BRD1: variants seen among roughly 807,000 people sequenced by gnomAD.
The protein encoded by BRD1 is bromodomain containing 1, also known as bromodomain-containing protein 1.
BRD1 carries 24 observed loss-of-function variants against 107.7 expected under a neutral mutation model. That is an observed-to-expected ratio of 0.22 (90% CI 0.16 to 0.31). The LOEUF is 0.31. Among genes scored for constraint, BRD1 ranks in the 10% least tolerant of loss-of-function variants. The pLI is 1.00. For missense variants in BRD1, 1,279 were observed against 1,638.6 expected (o/e 0.78, Z 3.79); for synonymous variants, 744 against 686.1 (o/e 1.08, Z -1.32).
chr22:49,782,636 C>G (rs554823949), intron 8 of BRD1, among the ~76,000 whole-genome samples: 2 of 148,810 alleles, frequency 1.3e-5, no homozygotes, highest in South Asian at 2.1e-4. Flanking sequence ...GACGCCTGCA[C>G]GAGACCTGCT....
intron 6 of BRD1, among the ~76,000 whole-genome samples, chr22:49,797,107 G>C (rs573871865): frequency 1.3e-5 from 2 of 152,218 alleles, no homozygotes; most frequent in Non-Finnish European, 2.9e-5. Flanking sequence ...CAATCCCAGA[G>C]GTGCGACTAA....
In BRD1 at chr22:49,777,591, C is replaced by T. The variant is rs532422433; in HGVS notation, c.2993+87G>A. 8.2e-4 allele frequency: 1,253 copies of T among 1,525,222 alleles called. 1 individual carries two copies. The highest frequency in any genetic ancestry group is 9.1e-4 in the Non-Finnish European group (1,036 of 1,135,818). The allele number at this position is 1,525,222 out of a possible 1,614,324, so 94.5% of individuals were successfully genotyped here. A position where few individuals can be genotyped will look rare whatever the true frequency, so the allele number is the denominator to read the frequency against. On this transcript the variant is annotated intron_variant, in intron 9 of 12. Transcript: ENST00000404760. Reference sequence around the variant, plus strand: ...TTTTCAGAGAACACTAAGATGGGAGCTGGAATGTCCCGGCTTCCAGGACAG... The same window carrying T: ...TTTTCAGAGAACACTAAGATGGGAGTTGGAATGTCCCGGCTTCCAGGACAG...
rs541112820 is a variant in BRD1 at position 49,826,425 on chromosome 22, G to A, written c.-15+1072C>T. ...ACCGCTTCCCCCCTGGGCCGGTTCT[G>A]TCCCTGGCCCTTCCACTGGGACAAG... On this transcript the variant is annotated intron_variant, in intron 1 of 12. Transcript: ENST00000404760. 2.0e-5 allele frequency among the ~76,000 whole-genome samples: 3 copies of A among 152,370 alleles called. No homozygotes were observed. In the East Asian group the frequency reaches 5.8e-4, roughly 29 times the overall value.
chr22:49,776,271 C>T, intron 10 of BRD1, 112 bp from the exon 11 acceptor site: 1 of 902,262 alleles, frequency 1.1e-6, no homozygotes, highest in South Asian at 1.5e-5. Flanking sequence ...AGCCCAGCTC[C>T]CAGGCCTTTC....
rs1254272998 is a variant in BRD1, at chr22:49,823,114, C to G, written c.1204G>C (p.Gly402Arg). Residue 402 changes from glycine to arginine, a missense_variant, in exon 2 of 13, where the codon GGG (glycine) becomes CGG (arginine). By Grantham distance (125) the Gly-to-Arg change is moderately radical. This residue lies in a region of BRD1 where 158 missense variants were observed against 310.2 expected (regional missense o/e 0.51). Transcript: ENST00000404760. ...GCTRRPLNIYGDVEMKNGVCR... is the reference protein window; with the variant it reads ...GCTRRPLNIYRDVEMKNGVCR... ...ACGCCATTTTTCATTTCGACATCCCCGTAAATATTCAGAGGCCTCCGGGTG... is the reference window on the plus strand; with the variant it reads ...ACGCCATTTTTCATTTCGACATCCCGGTAAATATTCAGAGGCCTCCGGGTG... 1.2e-6 allele frequency: 2 copies of G among 1,614,062 alleles called. No individual in the cohort carries two copies. Among genetic ancestry groups the G allele is most frequent in the Non-Finnish European group, 8.5e-7 (1 of 1,180,050 alleles).
intron 2 of BRD1, among the ~76,000 whole-genome samples, chr22:49,816,965 CCT>C (rs2059965150): frequency 6.6e-6 from 1 of 152,224 alleles, no homozygotes; most frequent in Non-Finnish European, 1.5e-5. Context: ...TCCGCCAGGA[CCT>C]GAGGGAAGAG....
At chr22:49,816,003 C>T (rs2059943924) in intron 2 of BRD1, among the ~76,000 whole-genome samples, 2 of 152,142 alleles carry the variant, frequency 1.3e-5, no homozygotes, top group Non-Finnish European at 2.9e-5. Flanking sequence ...CCGGGAGGCA[C>T]CCACACAGGG....
intron 8 of BRD1, among the ~76,000 whole-genome samples, chr22:49,779,473 G>C (rs747796400): frequency 2.0e-5 from 3 of 152,182 alleles, no homozygotes; most frequent in Admixed American, 1.3e-4. Flanking sequence ...CGTCTCTCCT[G>C]GACTGGAATG....
intron 2 of BRD1, among the ~76,000 whole-genome samples, chr22:49,816,951 T>C (rs2059964762): frequency 6.6e-6 from 1 of 152,216 alleles, no homozygotes; most frequent in African/African-American, 2.4e-5. Context: ...GACTTTGCTA[T>C]CCATCCGCCA....
intron 11 of BRD1, 95 bp from the exon 12 acceptor site, chr22:49,775,840 CTG>C (rs1403261806): frequency 1.9e-5 from 23 of 1,223,890 alleles, no homozygotes; most frequent in Non-Finnish European, 2.4e-5. Flanking sequence ...CCCACCCCAG[CTG>C]TGTGAGCCTC....
rs774935185 is a variant in BRD1, at chr22:49,823,245, G to C, written c.1073C>G (p.Ala358Gly). ...TAFHVTCAQK[A>G]GLYMKMEPVK... ...GGGCTCCATTTTCATGTACAGGCCA[G>C]CCTTCTGGGCACACGTCACATGGAA... The change falls in exon 2 of 13, where the codon GCT (alanine) becomes GGT (glycine). Residue 358 changes from alanine (A) to glycine (G), a missense_variant. Around this residue, in one of 7 missense-constraint regions of BRD1, gnomAD observed 158 missense variants for 310.2 expected, o/e 0.51. Transcript: ENST00000404760. 2 of 1,614,224 alleles carry C rather than the reference G, an allele frequency of 1.2e-6. No individual in the cohort carries two copies. Among genetic ancestry groups the C allele is most frequent in the South Asian group, 1.1e-5 (1 of 91,084 alleles).
At chr22:49,808,265 G>A (rs2059781910) in intron 2 of BRD1, among the ~76,000 whole-genome samples, 1 of 152,184 alleles carries the variant, frequency 6.6e-6, no homozygotes. Context: ...GCTAAAACAT[G>A]GAAGCAACCC....
At position 49,792,316 on chromosome 22, in the gene BRD1, C is replaced by T. The variant is rs1401243150; in HGVS notation, c.2359+1718G>A. Among the ~76,000 whole-genome samples the T allele has an allele frequency of 6.6e-6, 1 of 152,218 alleles. No individual in the cohort carries two copies. The highest frequency in any genetic ancestry group is 1.5e-5 in the Non-Finnish European group (1 of 68,040). On this transcript the variant is annotated intron_variant, in intron 7 of 12. Transcript: ENST00000404760. The surrounding 1 kb of genome is among the most constrained non-coding windows in gnomAD (Gnocchi z 4.2). The stretch of plus-strand genomic sequence containing the variant: ...CCTCCTCACAGCTCAGTCCTCAGGG[C>T]ACAGAAGACAAGGACAGAAGGGCAG...
intron 2 of BRD1, among the ~76,000 whole-genome samples, chr22:49,821,790 T>C (rs984790129): frequency 1.3e-5 from 2 of 152,184 alleles, no homozygotes; most frequent in East Asian, 3.9e-4. Context: ...TCCTGCTCAC[T>C]GACCCCCGGC....
At chr22:49,813,213 A>G (rs1404513317) in intron 2 of BRD1, among the ~76,000 whole-genome samples, 53 of 152,172 alleles carry the variant, frequency 3.5e-4, no homozygotes, top group Admixed American at 3.5e-3. Flanking sequence ...CAACACAGTG[A>G]GACGCCATCT....
chr22:49,791,519 G>A (rs956969838), intron 7 of BRD1, among the ~76,000 whole-genome samples: 2 of 152,226 alleles, frequency 1.3e-5, no homozygotes, highest in Non-Finnish European at 1.5e-5. Flanking sequence ...TAAGAAAAAT[G>A]ATGGAGAGGC....
In BRD1 at chr22:49,792,461, G is replaced by A. The variant is rs1040759396; in HGVS notation, c.2359+1573C>T. Among the ~76,000 whole-genome samples, 7 of 152,192 alleles carry A rather than the reference G, an allele frequency of 4.6e-5. No individual in the cohort carries two copies. Among genetic ancestry groups the A allele is most frequent in the African/African-American group, 1.7e-4 (7 of 41,450 alleles). On this transcript the variant is annotated intron_variant, in intron 7 of 12. Transcript: ENST00000404760. This position sits in a 1 kb window ranked among gnomAD's most constrained non-coding sequence, Gnocchi z 4.2. ...GCACAATGGGGCGGCCCAGGGCCCGGACAGGTATGGCTGCCAGAGGGTCCT... is the reference window on the plus strand; with the variant it reads ...GCACAATGGGGCGGCCCAGGGCCCGAACAGGTATGGCTGCCAGAGGGTCCT...
chr22:49,785,905 C>T (rs1470452053), intron 8 of BRD1, among the ~76,000 whole-genome samples: 3 of 152,200 alleles, frequency 2.0e-5, no homozygotes, highest in Non-Finnish European at 4.4e-5. Flanking sequence ...CTCCCCTCCC[C>T]GGACGCTTCA....
intron 7 of BRD1, 23 bp downstream of exon 7, chr22:49,794,011 G>T: frequency 6.2e-7 from 1 of 1,601,662 alleles, no homozygotes; most frequent in Non-Finnish European, 8.5e-7. Flanking sequence ...CAAGAAAGCG[G>T]GGCAGCCCTC....
Sources: allele counts gnomAD v4.1 joint callset (sites outside exome capture counted in the v4.1 genomes callset), GRCh38; gene constraint gnomAD v4.1.1; regional missense constraint gnomAD v4.1.1; non-coding constraint Gnocchi (gnomAD v3.1); transcripts MANE v1.5; gene names NCBI Gene and HGNC (gene_info 2026-07-23, HGNC 2026-07-21).